KDM6A: variants seen among roughly 807,000 people sequenced by gnomAD.
KDM6A encodes lysine-specific demethylase 6A.
Under a neutral mutation model 117.6 loss-of-function variants are expected in KDM6A, and 11 were observed. The observed-to-expected ratio is 0.09, with a 90% CI of 0.06 to 0.15. KDM6A has a LOEUF of 0.15. KDM6A is among the 10% of genes least tolerant of loss of function. The pLI is 1.00. For synonymous variants in KDM6A, 384 were observed against 396.1 expected, an observed-to-expected ratio of 0.97 and a Z score of 0.36; for missense variants, 799 against 1,077.3, an observed-to-expected ratio of 0.74 and a Z score of 3.62.
chrX:44,888,386 T>C (rs1054435370), intron 2 of KDM6A, among the ~76,000 whole-genome samples: 32 of 112,422 alleles, frequency 2.8e-4, no homozygotes, highest in African/African-American at 9.4e-4. Context: ...TTCACCAGTT[T>C]TGCCGTTTCT....
At chrX:45,041,577 G>C (rs1370687961) in intron 8 of KDM6A, among the ~76,000 whole-genome samples, 2 of 111,587 alleles carry the variant, frequency 1.8e-5, no homozygotes, top group African/African-American at 6.6e-5. Context: ...TTCTCAGACG[G>C]GGCGGCTGGG....
At position 44,888,077 on chromosome X, in the gene KDM6A, C is replaced by T. The variant is rs755245093; in HGVS notation, c.225+14090C>T. Among the ~76,000 whole-genome samples, 289 of 111,252 alleles carry T rather than the reference C, an allele frequency of 2.6e-3. 1 individual carries two copies. Among genetic ancestry groups the T allele is most frequent in the African/African-American group, 8.5e-3 (260 of 30,636 alleles). ...ATCCCAGCACTTTGGGAGGCTGAGG[C>T]GGGTGGATCATGAGGTTGGGAGTTC... On this transcript the variant is annotated intron_variant, in intron 2 of 29. Coordinates refer to ENST00000611820, the MANE Select transcript of KDM6A (RefSeq NM_001291415.2).
At chrX:45,065,432 T>C (rs1413486640) in intron 17 of KDM6A, among the ~76,000 whole-genome samples, 1 of 111,870 alleles carries the variant, frequency 8.9e-6, no homozygotes, top group Non-Finnish European at 1.9e-5. Flanking sequence ...AGAGGAGTGA[T>C]GTGATCTAAC....
At chrX:45,106,678 T>C (rs1479194045) in intron 27 of KDM6A, 2 of 335,633 alleles carry the variant, frequency 6.0e-6, no homozygotes, top group Non-Finnish European at 1.2e-5. Flanking sequence ...CAACTCCAAG[T>C]AATGACAGAA....
rs17147005 is a variant in KDM6A at position 44,879,831 on chromosome X, T to C, written c.225+5844T>C. On this transcript the variant is annotated intron_variant, in intron 2 of 29. Coordinates refer to ENST00000611820, the MANE Select transcript of KDM6A (RefSeq NM_001291415.2). The stretch of plus-strand genomic sequence containing the variant: ...TGGAGATGGTATTTCTTGATTTAGA[T>C]GTTAGCAAGGCATCTTATAATTTTG... 5.9e-3 allele frequency among the ~76,000 whole-genome samples: 658 copies of C among 112,199 alleles called. 5 individuals carry two copies. The highest frequency in any genetic ancestry group is 0.02 in the African/African-American group (618 of 30,900).
intron 6 of KDM6A, among the ~76,000 whole-genome samples, chrX:45,027,374 C>T (rs751866208): frequency 5.4e-5 from 6 of 110,886 alleles, no homozygotes; most frequent in African/African-American, 9.9e-5. Context: ...CACACCCGCC[C>T]GTCTCTTAAA....
At chrX:44,931,374 T>A (rs2036616774) in intron 2 of KDM6A, among the ~76,000 whole-genome samples, 1 of 111,814 alleles carries the variant, frequency 8.9e-6, no homozygotes, top group African/African-American at 3.3e-5. Context: ...ACACCCGGCC[T>A]CCAAAGCAGG....
chrX:45,061,367 C>T lies in KDM6A; in HGVS notation c.1529C>T (p.Pro510Leu), dbSNP rs1217264930. Residue 510 changes from proline to leucine, a missense_variant, in exon 15 of 30, where the codon CCT becomes CTT. Pro to Leu is a moderately conservative substitution (Grantham distance 98). Coordinates refer to ENST00000611820, the MANE Select transcript of KDM6A (RefSeq NM_001291415.2). Reference sequence around the variant, plus strand: ...AGTGGTGGACATGCTGTGTCACATCCTCCAGTACAGCAACAAGCTCATTCA... The same window carrying T: ...AGTGGTGGACATGCTGTGTCACATCTTCCAGTACAGCAACAAGCTCATTCA... ...NWSGGHAVSH[P>L]PVQQQAHSWC... 8.4e-7 allele frequency: 1 copy of T among 1,187,811 alleles called. No individual in the cohort carries two copies. Among genetic ancestry groups the T allele is most frequent in the Non-Finnish European group, 1.1e-6 (1 of 876,154 alleles).
chrX:45,005,824 A>G (rs981476783), intron 4 of KDM6A, among the ~76,000 whole-genome samples: 4 of 108,514 alleles, frequency 3.7e-5, no homozygotes, highest in Admixed American at 3.0e-4. Context: ...GGGAGGCTCA[A>G]TTTCCCCCAC....
intron 2 of KDM6A, among the ~76,000 whole-genome samples, chrX:44,901,414 A>G (rs1192915910): frequency 9.0e-6 from 1 of 110,810 alleles, no homozygotes; most frequent in African/African-American, 3.3e-5. Context: ...GTGGTTTGTC[A>G]CGGATAGTGT....
At position 44,967,105 on chromosome X, in the gene KDM6A, T is replaced by C. The variant is rs960324599; in HGVS notation, c.334+5713T>C. 1.2e-4 allele frequency among the ~76,000 whole-genome samples: 13 copies of C among 111,011 alleles called. 1 individual carries two copies. The highest frequency in any genetic ancestry group is 3.9e-4 in the African/African-American group (12 of 30,498). ...CAGGATGGTCTTGATCTCCTGACCTTGTGATCCGCCTGCTTTGGCCTCCCA... is the reference window on the plus strand; with the variant it reads ...CAGGATGGTCTTGATCTCCTGACCTCGTGATCCGCCTGCTTTGGCCTCCCA... On this transcript the variant is annotated intron_variant, in intron 3 of 29. Transcript: ENST00000611820.
At chrX:45,071,897 A>G (rs1385398382) in intron 18 of KDM6A, among the ~76,000 whole-genome samples, 2 of 110,646 alleles carry the variant, frequency 1.8e-5, no homozygotes, top group African/African-American at 6.6e-5. Flanking sequence ...AAGCCTCCCA[A>G]GTAGCTGGGT....
chrX:45,059,204 GTTC>G (rs1362645894), intron 11 of KDM6A, 40 bp from the exon 12 acceptor site: 13 of 1,188,638 alleles, frequency 1.1e-5, no homozygotes, highest in Admixed American at 2.2e-5. Flanking sequence ...AAACCAAGCA[GTTC>G]TTCTGAGTTG....
intron 2 of KDM6A, among the ~76,000 whole-genome samples, chrX:44,951,078 C>T (rs1402968194): frequency 1.8e-5 from 2 of 111,155 alleles, no homozygotes; most frequent in Admixed American, 9.6e-5. Flanking sequence ...GACCCGACCC[C>T]GGCCAATGAG....
Position 44,873,587 on chromosome X carries a change from C to CGCT in KDM6A, c.39_41dup (p.Ala17dup), listed in dbSNP as rs1354071758. ...GCGGAGTGTCGCTCGCTACCGCCGC[C>CGCT]GCTGCCGCCGCCGCTTTCGGTGATG... On this transcript the variant is annotated inframe_insertion, in exon 1 of 30. Coordinates refer to ENST00000611820, the MANE Select transcript of KDM6A (RefSeq NM_001291415.2). 5 of 1,205,260 alleles carry CGCT rather than the reference C, an allele frequency of 4.1e-6. No individual in the cohort carries two copies. Among genetic ancestry groups the CGCT allele is most frequent in the Non-Finnish European group, 5.6e-6 (5 of 893,488 alleles).
At chrX:45,107,127 A>G (rs2046560880) in intron 27 of KDM6A, 1 of 232,071 alleles carries the variant, frequency 4.3e-6, no homozygotes, top group Admixed American at 6.5e-5. Context: ...TTAGCAACTC[A>G]CATTTAAGCA....
intron 8 of KDM6A, among the ~76,000 whole-genome samples, chrX:45,040,617 CGGG>C (rs1342824646): frequency 2.3e-5 from 2 of 86,574 alleles, no homozygotes; most frequent in African/African-American, 4.5e-5. Flanking sequence ...GCTGGCCAGG[CGGG>C]GGGCTGATCA....
At chrX:45,082,086 G>T (rs1296786740) in intron 21 of KDM6A, among the ~76,000 whole-genome samples, 2 of 109,501 alleles carry the variant, frequency 1.8e-5, no homozygotes, top group Non-Finnish European at 1.9e-5. Context: ...GCTTTCTTGG[G>T]TATTTATTTA....
rs938370546 is a variant in KDM6A at position 45,070,330 on chromosome X, G to T, written c.2831G>T (p.Ser944Ile). The T allele has an allele frequency of 8.3e-7, 1 of 1,211,169 alleles. No individual in the cohort carries two copies. The change falls in exon 18 of 30, where the codon AGC becomes ATC. Residue 944 changes from serine (S) to isoleucine (I), a missense_variant. Around this residue, in one of 8 missense-constraint regions of KDM6A, gnomAD observed 291 missense variants for 437.9 expected, o/e 0.66. Transcript: ENST00000611820. The part of the protein sequence containing the change: ...IPSMSVSIYP[S>I]SAEVLKACRN... ...TCAATGTCTGTGTCCATATACCCCA[G>T]CTCAGCAGAAGTTCTGAAGGCATGC... is the stretch of plus-strand genomic sequence containing the variant.
Sources: gnomAD v4.1 joint callset for allele counts (sites outside exome capture counted in the v4.1 genomes callset) on GRCh38, gnomAD v4.1.1 for gene constraint, gnomAD v4.1.1 regional missense constraint, MANE v1.5 for transcripts, NCBI Gene and HGNC (gene_info 2026-07-23, HGNC 2026-07-21) for gene names.